Variants in FSTL4 observed in about 807,000 individuals in gnomAD.
FSTL4 encodes follistatin-related protein 4.
A neutral mutation model predicts 78.2 loss-of-function variants in FSTL4; 28 were observed. The observed-to-expected ratio is 0.36, with a 90% CI of 0.27 to 0.49. The LOEUF is 0.49. FSTL4 is among the 20% of genes least tolerant of loss of function. The probability of loss-of-function intolerance (pLI) is 0.98; values close to 1 mark genes in which losing one functional copy is unlikely to be tolerated. For missense variants in FSTL4, 922 were observed against 1,084.9 expected, an observed-to-expected ratio of 0.85 and a Z score of 2.11; for synonymous variants, 422 against 440.5, an observed-to-expected ratio of 0.96 and a Z score of 0.53.
intron 3 of FSTL4, among the ~76,000 whole-genome samples, chr5:133,556,898 A>G (rs1759799358): frequency 6.6e-6 from 1 of 152,332 alleles, no homozygotes; most frequent in East Asian, 1.9e-4. Flanking sequence ...GGGCTTGCTC[A>G]TTCACTTTTC....
At chr5:133,803,598 C>T in the FSTL4 span, among the ~76,000 whole-genome samples, 1 of 152,210 alleles carries the variant, frequency 6.6e-6, no homozygotes, top group Non-Finnish European at 1.5e-5. Flanking sequence ...TCACCCCACC[C>T]TAAGTGGCAG....
intron 4 of FSTL4, among the ~76,000 whole-genome samples, chr5:133,396,468 C>T (rs1756050912): frequency 6.6e-6 from 1 of 152,214 alleles, no homozygotes; most frequent in Non-Finnish European, 1.5e-5. Flanking sequence ...ATAGGGACTG[C>T]TCCAGCAGAG....
chr5:133,706,100 C>T, the FSTL4 span, among the ~76,000 whole-genome samples: 1 of 152,168 alleles, frequency 6.6e-6, no homozygotes, highest in Non-Finnish European at 1.5e-5. Context: ...GAGGTGAGCA[C>T]AGAAATGGAA....
chr5:133,841,769 A>G, the FSTL4 span, among the ~76,000 whole-genome samples: 6 of 152,228 alleles, frequency 3.9e-5, no homozygotes, highest in Non-Finnish European at 7.4e-5. Flanking sequence ...CCCTGTCAAC[A>G]ATGTCACATG....
At chr5:133,297,751 A>G (rs1753434251) in intron 6 of FSTL4, among the ~76,000 whole-genome samples, 3 of 152,186 alleles carry the variant, frequency 2.0e-5, no homozygotes, top group African/African-American at 7.2e-5. Flanking sequence ...TGCTTGCCAA[A>G]TTGGGTTTAG....
chr5:133,390,703 C>G (rs1487863060), intron 4 of FSTL4, among the ~76,000 whole-genome samples: 1 of 152,226 alleles, frequency 6.6e-6, no homozygotes, highest in Admixed American at 6.5e-5. Flanking sequence ...GTGTTTACTC[C>G]TGAAGACACT....
At chr5:133,507,679 T>C (rs1470505154) in intron 3 of FSTL4, among the ~76,000 whole-genome samples, 1 of 151,770 alleles carries the variant, frequency 6.6e-6, no homozygotes. Flanking sequence ...CCCGACACCA[T>C]GCCCGGCTAA....
chr5:133,311,352 A>G (rs1289097809), intron 6 of FSTL4, among the ~76,000 whole-genome samples: 1 of 152,250 alleles, frequency 6.6e-6, no homozygotes, highest in African/African-American at 2.4e-5. Context: ...GAGGAGGATG[A>G]CGGGGACCCT....
chr5:133,232,490 A>G (rs997421097), intron 8 of FSTL4, among the ~76,000 whole-genome samples: 2 of 152,182 alleles, frequency 1.3e-5, no homozygotes, highest in Non-Finnish European at 2.9e-5. Flanking sequence ...TCCACCAAAT[A>G]TAGCTAAATT....
intron 3 of FSTL4, among the ~76,000 whole-genome samples, chr5:133,437,025 A>G (rs1282053324): frequency 6.6e-6 from 1 of 152,236 alleles, no homozygotes; most frequent in Admixed American, 6.5e-5. Context: ...CTACAGGAGA[A>G]AGAGGTGACA....
chr5:133,279,508 G>A (rs1752964615), intron 6 of FSTL4, among the ~76,000 whole-genome samples: 1 of 152,222 alleles, frequency 6.6e-6, no homozygotes, highest in Admixed American at 6.5e-5. Context: ...TGGGGCCCAG[G>A]AGCCTGGCAA....
chr5:133,577,963 A>T (rs947961537), intron 2 of FSTL4, among the ~76,000 whole-genome samples: 3 of 152,242 alleles, frequency 2.0e-5, no homozygotes, highest in African/African-American at 7.2e-5. Flanking sequence ...AAACAGAGAT[A>T]GCACAGCAAG....
intron 3 of FSTL4, among the ~76,000 whole-genome samples, chr5:133,401,362 G>C (rs1340863882): frequency 6.6e-6 from 1 of 152,198 alleles, no homozygotes; most frequent in Non-Finnish European, 1.5e-5. Context: ...TCACAAAGAA[G>C]CACCTTGCAC....
intron 3 of FSTL4, among the ~76,000 whole-genome samples, chr5:133,526,382 CA>C (rs1256175601): frequency 6.6e-6 from 1 of 152,064 alleles, no homozygotes; most frequent in Non-Finnish European, 1.5e-5. Flanking sequence ...GATGAGATCT[CA>C]GCTGGGTCTT....
At chr5:133,630,566 G>A in the FSTL4 span, among the ~76,000 whole-genome samples, 1 of 152,150 alleles carries the variant, frequency 6.6e-6, no homozygotes, top group Non-Finnish European at 1.5e-5. Flanking sequence ...TGGCCATATT[G>A]CCCAAAGTAA....
In FSTL4 at chr5:133,316,519, A is replaced by T; in HGVS notation, c.543T>A (p.Ser181=). The T allele has an allele frequency of 6.2e-7, 1 of 1,614,116 alleles. No homozygotes were observed. Among genetic ancestry groups the T allele is most frequent in the East Asian group, 2.2e-5 (1 of 44,862 alleles). Residue 181 remains serine, a synonymous_variant, in exon 5 of 16, where the codon TCT becomes TCA. Coordinates refer to ENST00000265342, the MANE Select transcript of FSTL4 (RefSeq NM_015082.2). ...CATCTGCATCTAAGTCCCTGAACAG[A>T]GATTCCACCAGGAGGCGCTTCTGGG... ...PASQKRLLVE[S]LFRDLDADGN...
At chr5:133,349,295 C>CTCTGTGTGTGTGTGTGTGTGTGTG (rs11269337) in intron 4 of FSTL4, among the ~76,000 whole-genome samples, 3 of 139,682 alleles carry the variant, frequency 2.1e-5, no homozygotes, top group East Asian at 2.2e-4. Flanking sequence ...GCCTCTCTCT[C>CTCTGTGTGTGTGTGTGTGTGTGTG]TGTGTGTGTG....
rs560525897 is a variant in FSTL4 at position 133,300,075 on chromosome 5, C to T, written c.727+12579G>A. ...AGCTTTACCAGGAAGCTCTGTCCATCGCTTGGCCACCATTCACAGGACAGG... is the reference window on the plus strand; with the variant it reads ...AGCTTTACCAGGAAGCTCTGTCCATTGCTTGGCCACCATTCACAGGACAGG... On this transcript the variant is annotated intron_variant, in intron 6 of 15. Coordinates refer to ENST00000265342, the MANE Select transcript of FSTL4 (RefSeq NM_015082.2). Among the ~76,000 whole-genome samples the T allele has an allele frequency of 2.0e-5, 3 of 152,328 alleles. No homozygotes were observed. In the East Asian group the frequency reaches 5.8e-4, roughly 29 times the overall value.
chr5:133,220,976 A>G, intron 11 of FSTL4, 110 bp from the exon 12 acceptor site: 2 of 778,832 alleles, frequency 2.6e-6, no homozygotes, highest in Non-Finnish European at 2.4e-6. Flanking sequence ...CATCTGGTGC[A>G]GGCACGAGAT....
Sources: gnomAD v4.1 joint callset for allele counts (sites outside exome capture counted in the v4.1 genomes callset) on GRCh38, gnomAD v4.1.1 for gene constraint, MANE v1.5 for transcripts, NCBI Gene and HGNC (gene_info 2026-07-23, HGNC 2026-07-21) for gene names.